The following CDYL variants were observed in gnomAD, a reference collection of about 807,000 sequenced individuals.
CDYL encodes the protein chromodomain Y like, also known as chromodomain Y-like protein.
Under a neutral mutation model 47.3 loss-of-function variants are expected in CDYL, and 8 were observed. That is an observed-to-expected ratio of 0.17 (90% CI 0.10 to 0.31). The LOEUF (loss-of-function observed/expected upper bound fraction) is 0.31. CDYL is among the 10% of genes least tolerant of loss of function. CDYL has a pLI of 1.00. For missense variants in CDYL, 471 were observed against 701.4 expected, an observed-to-expected ratio of 0.67 and a Z score of 3.71; for synonymous variants, 266 against 265.0, an observed-to-expected ratio of 1.00 and a Z score of -0.04.
intron 2 of CDYL, among the ~76,000 whole-genome samples, chr6:4,926,880 C>T (rs914435522): frequency 1.5e-4 from 23 of 152,154 alleles, no homozygotes; most frequent in African/African-American, 5.6e-4. Context: ...GCGTGGGAAT[C>T]AGATCTGCAG....
chr6:4,735,788 T>G (rs66529512), intron 3 of CDYL, among the ~76,000 whole-genome samples: 12,128 of 152,140 alleles, frequency 0.08, 531 homozygotes, highest in African/African-American at 0.11. Context: ...TAGTTGTACA[T>G]ATTTAATGTA....
intron 2 of CDYL, chr6:4,734,740 C>G: frequency 1.2e-6 from 2 of 1,613,326 alleles, no homozygotes; most frequent in Non-Finnish European, 1.7e-6. Context: ...CTCTCAGAAA[C>G]TTTCTCATTA....
intron 4 of CDYL, among the ~76,000 whole-genome samples, chr6:4,942,836 G>C (rs1050846198): frequency 1.3e-5 from 2 of 152,168 alleles, no homozygotes; most frequent in African/African-American, 2.4e-5. Context: ...AACTCCTGCT[G>C]CAGCCGTACC....
intron 1 of CDYL, among the ~76,000 whole-genome samples, chr6:4,821,761 G>A (rs1216152515): frequency 6.6e-6 from 1 of 151,604 alleles, no homozygotes; most frequent in Non-Finnish European, 1.5e-5. Context: ...AGCGATCCTT[G>A]GGTTTCCATG....
In CDYL at chr6:4,885,443, T is replaced by C. The variant is rs182011089; in HGVS notation, c.25-6270T>C. Among the ~76,000 whole-genome samples the C allele has an allele frequency of 2.0e-5, 3 of 152,300 alleles. No homozygotes were observed. The East Asian group carries it at 5.8e-4, about 29-fold the overall frequency. On this transcript the variant is annotated intron_variant, in intron 1 of 6. Coordinates refer to ENST00000397588, the MANE Select transcript of CDYL (RefSeq NM_004824.4). ...ACCTCATTAGTGACTTAGTAGCTGG[T>C]TCAGTTATCAGATGGATCAGAGTGC...
At position 4,891,773 on chromosome 6, in the gene CDYL, T is replaced by G; in HGVS notation, c.85T>G (p.Trp29Gly). The G allele has an allele frequency of 6.2e-7, 1 of 1,613,894 alleles. No individual in the cohort carries two copies. Residue 29 changes from tryptophan to glycine, a missense_variant, in exon 2 of 7, where the codon TGG (tryptophan) becomes GGG (glycine). Around this residue, in one of 3 missense-constraint regions of CDYL, gnomAD observed 311 missense variants for 350.0 expected, o/e 0.89. Transcript: ENST00000397588. ...KKGKTEYLVR[W>G]KGYDSEDDTW... Reference sequence around the variant, plus strand: ...AGGGAAGACAGAGTATTTGGTTCGGTGGAAAGGCTATGACAGCGAGGACGA... The same window carrying G: ...AGGGAAGACAGAGTATTTGGTTCGGGGGAAAGGCTATGACAGCGAGGACGA...
chr6:4,938,994 A>G (rs553430210), intron 4 of CDYL, among the ~76,000 whole-genome samples: 8 of 152,332 alleles, frequency 5.3e-5, no homozygotes, highest in East Asian at 1.9e-4. Flanking sequence ...AAAGTTGGCT[A>G]TGCTTCTCTA....
At chr6:4,819,762 T>C (rs887638533) in intron 1 of CDYL, among the ~76,000 whole-genome samples, 1 of 152,168 alleles carries the variant, frequency 6.6e-6, no homozygotes, top group Non-Finnish European at 1.5e-5. Flanking sequence ...AGACATTTTG[T>C]GATGGTCATA....
chr6:4,856,675 AAGAAG>A (rs915073592), intron 1 of CDYL, among the ~76,000 whole-genome samples: 1 of 152,166 alleles, frequency 6.6e-6, no homozygotes, highest in Non-Finnish European at 1.5e-5. Flanking sequence ...GTGGGAAAGA[AAGAAG>A]AGAGCCCAGG....
chr6:4,795,304 A>G (rs1438508306), intron 1 of CDYL, among the ~76,000 whole-genome samples: 4 of 152,172 alleles, frequency 2.6e-5, no homozygotes, highest in African/African-American at 9.7e-5. Flanking sequence ...TCTGGGATAA[A>G]TGTGACTCTG....
chr6:4,721,468 C>T (rs867503755), intron 2 of CDYL, among the ~76,000 whole-genome samples: 4 of 152,144 alleles, frequency 2.6e-5, no homozygotes, highest in East Asian at 1.9e-4. Flanking sequence ...TTGCAACCTC[C>T]GACTCCCAGG....
At chr6:4,921,204 A>G (rs1355469794) in intron 2 of CDYL, among the ~76,000 whole-genome samples, 2 of 152,184 alleles carry the variant, frequency 1.3e-5, no homozygotes, top group African/African-American at 4.8e-5. Flanking sequence ...AAGCACCAAC[A>G]TAGGTGCCTA....
At chr6:4,895,934 A>G (rs1392038035) in intron 2 of CDYL, among the ~76,000 whole-genome samples, 1 of 152,118 alleles carries the variant, frequency 6.6e-6, no homozygotes, top group African/African-American at 2.4e-5. Context: ...ATCTTAAATT[A>G]TTTTACCTTG....
Position 4,912,505 on chromosome 6 carries a change from G to A in CDYL, c.691+20126G>A, listed in dbSNP as rs1757443340. On this transcript the variant is annotated intron_variant, in intron 2 of 6. Coordinates refer to ENST00000397588, the MANE Select transcript of CDYL (RefSeq NM_004824.4). ...GGGCGGAACGCCGTAGGGCTTTGTA[G>A]CCAGGGTAAGAAGTTTGGGTTTTTT... 2.0e-5 allele frequency among the ~76,000 whole-genome samples: 3 copies of A among 152,278 alleles called. No homozygotes were observed. In the South Asian group the frequency reaches 6.2e-4, roughly 31 times the overall value.
At chr6:4,932,868 G>A (rs1478994556) in intron 2 of CDYL, among the ~76,000 whole-genome samples, 2 of 152,282 alleles carry the variant, frequency 1.3e-5, no homozygotes, top group East Asian at 1.9e-4. Flanking sequence ...CTGTGCCCAC[G>A]TGTGTTTTTA....
chr6:4,904,220 G>A (rs1309433832), intron 2 of CDYL, among the ~76,000 whole-genome samples: 4 of 152,216 alleles, frequency 2.6e-5, no homozygotes, highest in Non-Finnish European at 5.9e-5. Flanking sequence ...ACTGATCCTT[G>A]TACAGCCCTG....
chr6:4,908,200 G>A (rs1431980868), intron 2 of CDYL, among the ~76,000 whole-genome samples: 2 of 152,166 alleles, frequency 1.3e-5, no homozygotes, highest in Non-Finnish European at 2.9e-5. Flanking sequence ...GATGGGTGTG[G>A]TCCCTCAGTG....
intron 1 of CDYL, among the ~76,000 whole-genome samples, chr6:4,795,928 C>G (rs996800726): frequency 6.6e-6 from 1 of 152,028 alleles, no homozygotes; most frequent in African/African-American, 2.4e-5. Flanking sequence ...TTTTCACTTT[C>G]AGATTTTTTT....
intron 1 of CDYL, among the ~76,000 whole-genome samples, chr6:4,889,740 A>G (rs1314078003): frequency 1.3e-5 from 2 of 152,162 alleles, no homozygotes; most frequent in African/African-American, 4.8e-5. Context: ...AGCCTAAAAC[A>G]TTTACTCTTT....
Sources: gnomAD v4.1 joint callset for allele counts (sites outside exome capture counted in the v4.1 genomes callset) on GRCh38, gnomAD v4.1.1 for gene constraint, gnomAD v4.1.1 regional missense constraint, MANE v1.5 for transcripts, NCBI Gene and HGNC (gene_info 2026-07-23, HGNC 2026-07-21) for gene names.